CMSS1: variants seen among roughly 807,000 people sequenced by gnomAD.
CMSS1 encodes the protein cms1 ribosomal small subunit homolog, also known as protein CMSS1.
CMSS1 carries 33 observed loss-of-function variants against 43.5 expected under a neutral mutation model. The observed-to-expected ratio is 0.76, with a 90% CI of 0.57 to 1.01. The LOEUF (loss-of-function observed/expected upper bound fraction) is 1.01. CMSS1 is among the 50% of genes least tolerant of loss of function. CMSS1 has a pLI of 0.00. For synonymous variants in CMSS1, 115 were observed against 117.2 expected, an observed-to-expected ratio of 0.98 and a Z score of 0.12; for missense variants, 313 against 326.4, an observed-to-expected ratio of 0.96 and a Z score of 0.32.
intron 1 of CMSS1, among the ~76,000 whole-genome samples, chr3:99,926,378 G>A (rs1707293645): frequency 6.6e-6 from 1 of 152,220 alleles, no homozygotes. Flanking sequence ...TGCTGGCAGA[G>A]GCATCTTCTG....
At chr3:99,921,601 T>C (rs993634012) in intron 1 of CMSS1, among the ~76,000 whole-genome samples, 1 of 152,202 alleles carries the variant, frequency 6.6e-6, no homozygotes, top group African/African-American at 2.4e-5. Flanking sequence ...TAGATGAATA[T>C]TCTCATATCT....
At chr3:100,008,112 AT>A (rs1710040463) in intron 1 of CMSS1, among the ~76,000 whole-genome samples, 1 of 152,118 alleles carries the variant, frequency 6.6e-6, no homozygotes, top group South Asian at 2.1e-4. Flanking sequence ...ATTACAATAA[AT>A]TGCTGCTGCT....
At chr3:100,021,815 A>T (rs2064822522) in intron 1 of CMSS1, among the ~76,000 whole-genome samples, 1 of 152,134 alleles carries the variant, frequency 6.6e-6, no homozygotes, top group Non-Finnish European at 1.5e-5. Context: ...ATGATTAAAG[A>T]ATAGATTATA....
intron 1 of CMSS1, among the ~76,000 whole-genome samples, chr3:100,075,850 T>C (rs547142178): frequency 1.3e-5 from 2 of 152,348 alleles, no homozygotes; most frequent in East Asian, 1.9e-4. Flanking sequence ...TATAAACTTA[T>C]CTTAAACTCT....
intron 1 of CMSS1, among the ~76,000 whole-genome samples, chr3:99,975,266 T>C (rs962118033): frequency 9.2e-5 from 14 of 152,174 alleles, no homozygotes; most frequent in African/African-American, 3.4e-4. Context: ...CTAAACTCCT[T>C]CTAGTTCGAG....
chr3:99,994,102 TTTG>T (rs1009669030), intron 1 of CMSS1, among the ~76,000 whole-genome samples: 21 of 152,322 alleles, frequency 1.4e-4, no homozygotes, highest in Middle Eastern at 3.4e-3. Context: ...TCTTGTGCTT[TTTG>T]TTGTTGTTGT....
chr3:99,984,052 A>ATGTGTGTGTGTG (rs34256109), intron 1 of CMSS1, among the ~76,000 whole-genome samples: 19 of 151,286 alleles, frequency 1.3e-4, no homozygotes, highest in African/African-American at 4.4e-4. Flanking sequence ...ATGTATATGT[A>ATGTGTGTGTGTG]TGTGTGTTTG....
At chr3:99,877,656 T>C (rs553630227) in intron 1 of CMSS1, among the ~76,000 whole-genome samples, 9 of 152,236 alleles carry the variant, frequency 5.9e-5, no homozygotes, top group Non-Finnish European at 1.3e-4. Flanking sequence ...TGTAGTTTTG[T>C]TGGTTTTAAC....
At chr3:100,108,325 TTAATGA>T (rs1028899232) in intron 1 of CMSS1, among the ~76,000 whole-genome samples, 2 of 152,170 alleles carry the variant, frequency 1.3e-5, no homozygotes, top group African/African-American at 2.4e-5. Context: ...GTTTTCTATA[TTAATGA>T]TAATGATAAT....
chr3:100,066,688 C>T (rs1440185968), intron 1 of CMSS1, among the ~76,000 whole-genome samples: 1 of 132,140 alleles, frequency 7.6e-6, no homozygotes, highest in East Asian at 2.1e-4. Flanking sequence ...CCCGCCACTA[C>T]GCCCGGCTAA....
intron 1 of CMSS1, among the ~76,000 whole-genome samples, chr3:100,085,049 A>C (rs905255974): frequency 2.6e-5 from 4 of 152,228 alleles, no homozygotes; most frequent in African/African-American, 9.6e-5. Flanking sequence ...TATGGTACAG[A>C]TCTCTGCTGA....
intron 1 of CMSS1, among the ~76,000 whole-genome samples, chr3:100,062,246 G>C (rs1468670744): frequency 6.6e-6 from 1 of 151,216 alleles, no homozygotes; most frequent in East Asian, 1.9e-4. Context: ...CGAGTAGCTG[G>C]GACTACAGGC....
chr3:100,035,138 G>A (rs902981133), intron 1 of CMSS1, among the ~76,000 whole-genome samples: 1 of 152,130 alleles, frequency 6.6e-6, no homozygotes, highest in African/African-American at 2.4e-5. Context: ...TTTCAAGTTT[G>A]TGCTTTCTAG....
chr3:100,088,654 T>TTC (rs2066053230), intron 1 of CMSS1, among the ~76,000 whole-genome samples: 1 of 152,122 alleles, frequency 6.6e-6, no homozygotes, highest in Admixed American at 6.5e-5. Context: ...CTCTGCAGTT[T>TTC]TCTCTCTCTT....
chr3:99,822,071 C>G (rs1378665396), intron 1 of CMSS1, among the ~76,000 whole-genome samples: 1 of 151,882 alleles, frequency 6.6e-6, no homozygotes, highest in African/African-American at 2.4e-5. Flanking sequence ...GAAAATGTTA[C>G]TTGATCATTT....
chr3:100,056,832 G>A (rs1047496870), intron 1 of CMSS1, among the ~76,000 whole-genome samples: 5 of 151,990 alleles, frequency 3.3e-5, no homozygotes, highest in Admixed American at 2.6e-4. Flanking sequence ...GTGAAACCCC[G>A]TCTCTACTAA....
chr3:100,071,548 G>T (rs1559747679), intron 1 of CMSS1, among the ~76,000 whole-genome samples: 1 of 152,118 alleles, frequency 6.6e-6, no homozygotes, highest in Non-Finnish European at 1.5e-5. Flanking sequence ...ATAGCCCAAG[G>T]GTGTGGGTCT....
chr3:99,944,305 C>T (rs1365049183), intron 1 of CMSS1, among the ~76,000 whole-genome samples: 1 of 152,176 alleles, frequency 6.6e-6, no homozygotes, highest in Non-Finnish European at 1.5e-5. Context: ...GAACTATGAT[C>T]CTGCCAGTTT....
intron 1 of CMSS1, among the ~76,000 whole-genome samples, chr3:100,083,544 C>T (rs2065962799): frequency 6.6e-6 from 1 of 152,202 alleles, no homozygotes; most frequent in African/African-American, 2.4e-5. Context: ...ATTTTCCCGT[C>T]TTGTCTCTGA....
Sources: allele counts gnomAD v4.1 joint callset (sites outside exome capture counted in the v4.1 genomes callset), GRCh38; gene constraint gnomAD v4.1.1; transcripts MANE v1.5; gene names NCBI Gene and HGNC (gene_info 2026-07-23, HGNC 2026-07-21).